The following SPAG6 variants were observed in gnomAD, a reference collection of about 807,000 sequenced individuals.
SPAG6 encodes sperm associated antigen 6.
A neutral mutation model predicts 58.5 loss-of-function variants in SPAG6; 49 were observed. The observed-to-expected ratio is 0.84, with a 90% CI of 0.67 to 1.06. The LOEUF is 1.06. Among genes scored for constraint, SPAG6 ranks in the 50% least tolerant of loss-of-function variants. The pLI is 0.00. For missense variants in SPAG6, 560 were observed against 611.3 expected, an observed-to-expected ratio of 0.92 and a Z score of 0.89; for synonymous variants, 233 against 225.6, an observed-to-expected ratio of 1.03 and a Z score of -0.29.
chr10:22,398,188 T>C (rs189077767), intron 8 of SPAG6, among the ~76,000 whole-genome samples: 2 of 152,358 alleles, frequency 1.3e-5, no homozygotes, highest in East Asian at 3.9e-4. Flanking sequence ...GGGACAATTG[T>C]ATCCTCAAGT....
intron 2 of SPAG6, chr10:22,360,859 G>C (rs949774604): frequency 2.2e-5 from 33 of 1,518,316 alleles, no homozygotes; most frequent in Non-Finnish European, 2.8e-5. Flanking sequence ...ATACCTAATG[G>C]ACAGGCAGGT....
intron 2 of SPAG6, among the ~76,000 whole-genome samples, chr10:22,348,721 C>T (rs1050555684): frequency 6.6e-6 from 1 of 152,108 alleles, no homozygotes; most frequent in Non-Finnish European, 1.5e-5. Flanking sequence ...GTTTTTTATA[C>T]ACTAATAAGA....
intron 9 of SPAG6, among the ~76,000 whole-genome samples, chr10:22,405,278 A>T (rs2130627456): frequency 6.6e-6 from 1 of 152,116 alleles, no homozygotes; most frequent in South Asian, 2.1e-4. Flanking sequence ...TGGGTTTGTC[A>T]TAGATAGCTC....
chr10:22,345,691 G>T lies in SPAG6; in HGVS notation c.26-32G>T. 6.3e-7 allele frequency: 1 copy of T among 1,595,580 alleles called. No homozygotes were observed. The highest frequency in any genetic ancestry group is 8.5e-7 in the Non-Finnish European group (1 of 1,171,748). On this transcript the variant is annotated intron_variant, in intron 1 of 10. Coordinates refer to ENST00000376624, the MANE Select transcript of SPAG6 (RefSeq NM_012443.4). This position sits in a 1 kb window ranked among gnomAD's most constrained non-coding sequence, Gnocchi z 6.3. ...TAGCTGGCGCCGAGGAGACCCGGGTGCGGTGGGCTCCACCGACTCTCTCTC... is the reference window on the plus strand; with the variant it reads ...TAGCTGGCGCCGAGGAGACCCGGGTTCGGTGGGCTCCACCGACTCTCTCTC...
intron 2 of SPAG6, among the ~76,000 whole-genome samples, chr10:22,352,483 A>G (rs1236528602): frequency 6.6e-6 from 1 of 152,202 alleles, no homozygotes; most frequent in Non-Finnish European, 1.5e-5. Flanking sequence ...TTAAATTCTT[A>G]ATATGAAGAT....
intron 8 of SPAG6, among the ~76,000 whole-genome samples, chr10:22,392,305 T>G (rs988735731): frequency 1.3e-4 from 20 of 152,182 alleles, no homozygotes; most frequent in African/African-American, 3.1e-4. Flanking sequence ...ATGTATCATA[T>G]AACTAGTCAG....
Position 22,345,887 on chromosome 10 carries a change from C to T in SPAG6, c.121+69C>T, listed in dbSNP as rs781354695. 5 of 1,579,978 alleles carry T rather than the reference C, an allele frequency of 3.2e-6. No homozygotes were observed. The highest frequency in any genetic ancestry group is 3.4e-6 in the Non-Finnish European group (4 of 1,163,404). ...TCCCCGACGCCTCCGCCCCGCTGCC[C>T]TGCCCGTGGAGCTCTTGGGGAGCCG... is the stretch of plus-strand genomic sequence containing the variant. On this transcript the variant is annotated intron_variant, in intron 2 of 10. Transcript: ENST00000376624. This position sits in a 1 kb window ranked among gnomAD's most constrained non-coding sequence, Gnocchi z 6.3.
chr10:22,384,573 A>G (rs1393141114), intron 4 of SPAG6, among the ~76,000 whole-genome samples: 1 of 152,210 alleles, frequency 6.6e-6, no homozygotes, highest in Middle Eastern at 3.2e-3. Flanking sequence ...CTTCTAAGTA[A>G]AAAGTGTGCT....
At chr10:22,360,997 G>C in intron 2 of SPAG6, 1 of 634,892 alleles carries the variant, frequency 1.6e-6, no homozygotes, top group Non-Finnish European at 2.8e-6. Context: ...AAGTCTCCAT[G>C]TTTAATATGT....
At position 22,387,939 on chromosome 10, in the gene SPAG6, A is replaced by G; in HGVS notation, c.795A>G (p.Glu265=). 1 of 1,612,738 alleles carries G rather than the reference A, an allele frequency of 6.2e-7. No homozygotes were observed. The highest frequency in any genetic ancestry group is 1.1e-5 in the South Asian group (1 of 90,660). ...TTACCTGTCTGAAGGACAAGGATGAATACGTGAAGAAAAATGCTTCTACTT... is the reference window on the plus strand; with the variant it reads ...TTACCTGTCTGAAGGACAAGGATGAGTACGTGAAGAAAAATGCTTCTACTT... ...VVLTCLKDKD[E]YVKKNASTLI... Residue 265 remains glutamate (E), a synonymous_variant, in exon 6 of 11, where the codon GAA becomes GAG. Coordinates refer to ENST00000376624, the MANE Select transcript of SPAG6 (RefSeq NM_012443.4).
intron 8 of SPAG6, among the ~76,000 whole-genome samples, chr10:22,393,307 ATAAAG>A (rs1326863546): frequency 4.6e-5 from 7 of 152,084 alleles, no homozygotes; most frequent in African/African-American, 1.2e-4. Context: ...AGTTTTGGAA[ATAAAG>A]TAAAGGGATG....
chr10:22,360,888 T>TTTCC lies in SPAG6; in HGVS notation c.122-3944_122-3941dup, dbSNP rs529451315. 1,276 of 1,279,140 alleles carry TTTCC rather than the reference T, an allele frequency of 1.0e-3. 12 individuals are homozygous for TTTCC. In the African/African-American group the frequency reaches 0.014, roughly 14 times the overall value. 79.2% of individuals were successfully genotyped at this position (1,279,140 alleles called of 1,614,324 possible). On this transcript the variant is annotated intron_variant, in intron 2 of 10. Transcript: ENST00000376624. ...GGCAGGTAAGAAAAATTTCTTTTTA[T>TTTCC]TTCCTTCCTTCCTTCCTTCCTTCCA...
intron 9 of SPAG6, among the ~76,000 whole-genome samples, chr10:22,407,717 A>G (rs958106441): frequency 3.3e-5 from 5 of 152,064 alleles, no homozygotes; most frequent in African/African-American, 7.3e-5. Context: ...CTCCTGGATA[A>G]TATCCTGCAG....
intron 4 of SPAG6, among the ~76,000 whole-genome samples, chr10:22,372,470 T>C (rs1252281503): frequency 6.6e-6 from 1 of 152,162 alleles, no homozygotes; most frequent in East Asian, 1.9e-4. Context: ...CTTCCTCAGC[T>C]GATGGCTCAG....
At chr10:22,392,467 C>A (rs1306872332) in intron 8 of SPAG6, among the ~76,000 whole-genome samples, 2 of 151,746 alleles carry the variant, frequency 1.3e-5, no homozygotes, top group Non-Finnish European at 2.9e-5. Flanking sequence ...GGCAGATTTT[C>A]TGAAATATTA....
intron 2 of SPAG6, among the ~76,000 whole-genome samples, chr10:22,346,693 A>C (rs773480496): frequency 1.3e-5 from 2 of 152,142 alleles, no homozygotes; most frequent in Non-Finnish European, 2.9e-5. Context: ...TGACAGCAAG[A>C]ATACTTAAGT....
intron 2 of SPAG6, among the ~76,000 whole-genome samples, chr10:22,350,317 T>C (rs768926514): frequency 1.3e-5 from 2 of 152,180 alleles, no homozygotes; most frequent in Non-Finnish European, 2.9e-5. Flanking sequence ...AGAATTTTAT[T>C]CTGTGTTCCA....
chr10:22,400,500 G>A (rs575403761), intron 8 of SPAG6, among the ~76,000 whole-genome samples: 20 of 151,964 alleles, frequency 1.3e-4, no homozygotes, highest in African/African-American at 4.3e-4. Context: ...CTTGAAATAC[G>A]GAGTGCAGGA....
chr10:22,368,725 A>G (rs1006892425), intron 4 of SPAG6, 47 bp downstream of exon 4: 3 of 1,433,552 alleles, frequency 2.1e-6, no homozygotes, highest in Admixed American at 1.9e-5. Context: ...GATTATTACA[A>G]TTCAGATTTA....
Sources: allele counts gnomAD v4.1 joint callset (sites outside exome capture counted in the v4.1 genomes callset), GRCh38; gene constraint gnomAD v4.1.1; non-coding constraint Gnocchi (gnomAD v3.1); transcripts MANE v1.5; gene names NCBI Gene and HGNC (gene_info 2026-07-23, HGNC 2026-07-21).